IGSF21: variants seen among roughly 807,000 people sequenced by gnomAD.
IGSF21 encodes the protein immunoglobin superfamily member 21, also known as immunoglobulin superfamily member 21.
In IGSF21, 28 loss-of-function variants were observed where a neutral mutation model predicts 46.8. The observed-to-expected ratio is 0.60, with a 90% confidence interval of 0.44 to 0.82. IGSF21 has a LOEUF of 0.82. IGSF21 is among the 40% of genes least tolerant of loss of function. IGSF21 has a pLI of 0.00. For missense variants in IGSF21, 624 were observed against 665.5 expected, an observed-to-expected ratio of 0.94 and a Z score of 0.69; for synonymous variants, 284 against 273.6, an observed-to-expected ratio of 1.04 and a Z score of -0.38.
intron 1 of IGSF21, among the ~76,000 whole-genome samples, chr1:18,200,563 C>A (rs932534859): frequency 6.6e-6 from 1 of 152,274 alleles, no homozygotes; most frequent in African/African-American, 2.4e-5. Context: ...CATCACGTGG[C>A]CTGCTCCCTC....
intron 2 of IGSF21, among the ~76,000 whole-genome samples, chr1:18,247,048 C>CT (rs34980016): frequency 0.021 from 2,587 of 122,390 alleles, 48 homozygotes; most frequent in African/African-American, 0.036. Flanking sequence ...AGCTGGAATT[C>CT]TTTTTTTTTT....
At chr1:18,214,930 C>T (rs764006030) in intron 1 of IGSF21, among the ~76,000 whole-genome samples, 7 of 152,154 alleles carry the variant, frequency 4.6e-5, no homozygotes, top group East Asian at 1.9e-4. Context: ...TTAGTAGAGA[C>T]GGGGTTTCAC....
intron 6 of IGSF21, among the ~76,000 whole-genome samples, chr1:18,371,436 G>T (rs1324138533): frequency 6.6e-6 from 1 of 152,114 alleles, no homozygotes; most frequent in Non-Finnish European, 1.5e-5. Context: ...GCTGGGTATG[G>T]TAGCTCATGC....
intron 1 of IGSF21, among the ~76,000 whole-genome samples, chr1:18,137,632 A>G (rs2086378344): frequency 6.6e-6 from 1 of 152,120 alleles, no homozygotes; most frequent in South Asian, 2.1e-4. Flanking sequence ...GAGGAAAGCC[A>G]CTTTGGGGGG....
At chr1:18,224,423 C>T (rs1381843564) in intron 1 of IGSF21, among the ~76,000 whole-genome samples, 2 of 152,154 alleles carry the variant, frequency 1.3e-5, no homozygotes, top group East Asian at 3.9e-4. Flanking sequence ...TCCCAGGGCC[C>T]CTCTGGCTAA....
At chr1:18,346,676 A>C (rs2085896511) in intron 4 of IGSF21, among the ~76,000 whole-genome samples, 1 of 152,178 alleles carries the variant, frequency 6.6e-6, no homozygotes, top group Admixed American at 6.5e-5. Context: ...GCGATCGCAG[A>C]AAATGGGCCG....
Position 18,334,477 on chromosome 1 carries a change from G to A in IGSF21, c.306-415G>A, listed in dbSNP as rs2085745559. ...ATGGGAATATGGACCCTATGTGGAG[G>A]CCGTCATGAGGAAAGAGGGAGCCGA... On this transcript the variant is annotated intron_variant, in intron 3 of 9. Coordinates refer to ENST00000251296, the MANE Select transcript of IGSF21 (RefSeq NM_032880.5). This position sits in a 1 kb window ranked among gnomAD's most constrained non-coding sequence, Gnocchi z 4.3. Among the ~76,000 whole-genome samples, 1 of 152,178 alleles carries A rather than the reference G, an allele frequency of 6.6e-6. No individual in the cohort carries two copies. The highest frequency in any genetic ancestry group is 6.5e-5 in the Admixed American group (1 of 15,286).
intron 4 of IGSF21, among the ~76,000 whole-genome samples, chr1:18,349,903 AAC>A (rs1553165564): frequency 4.0e-5 from 6 of 151,826 alleles, no homozygotes; most frequent in East Asian, 1.9e-4. Flanking sequence ...TTAAAAAAAA[AAC>A]CACTAAATTA....
chr1:18,349,471 C>G (rs1343128435), intron 4 of IGSF21, among the ~76,000 whole-genome samples: 2 of 152,138 alleles, frequency 1.3e-5, no homozygotes, highest in African/African-American at 2.4e-5. Flanking sequence ...CTGGGCCTAG[C>G]AGGCTGGTGA....
chr1:18,250,932 A>G (rs936636605), intron 2 of IGSF21, among the ~76,000 whole-genome samples: 9 of 152,170 alleles, frequency 5.9e-5, no homozygotes, highest in African/African-American at 2.2e-4. Context: ...GTGATGTGAT[A>G]GAGAGTAACT....
At chr1:18,278,990 T>A (rs958813906) in intron 2 of IGSF21, 7 of 457,138 alleles carry the variant, frequency 1.5e-5, no homozygotes, top group African/African-American at 1.2e-4. Flanking sequence ...GCTATAGAAC[T>A]AAGCTAGGGC....
chr1:18,175,423 G>A (rs931025112), intron 1 of IGSF21, among the ~76,000 whole-genome samples: 26 of 152,182 alleles, frequency 1.7e-4, no homozygotes, highest in Admixed American at 7.2e-4. Flanking sequence ...GCAGACAGCC[G>A]GGAGGAAACG....
intron 1 of IGSF21, among the ~76,000 whole-genome samples, chr1:18,218,720 A>T (rs74056530): frequency 0.033 from 5,094 of 152,298 alleles, 264 homozygotes; most frequent in African/African-American, 0.12. Flanking sequence ...TGAAAATCTC[A>T]ACTCACATGG....
chr1:18,252,207 T>A (rs6699446), intron 2 of IGSF21, among the ~76,000 whole-genome samples: 2 of 151,544 alleles, frequency 1.3e-5, no homozygotes, highest in African/African-American at 4.9e-5. Flanking sequence ...CCTGCCACCA[T>A]GCCCGGCTAA....
chr1:18,342,260 A>T (rs2085850764), intron 4 of IGSF21, among the ~76,000 whole-genome samples: 1 of 151,666 alleles, frequency 6.6e-6, no homozygotes, highest in African/African-American at 2.4e-5. Flanking sequence ...TGCCTGGCTA[A>T]TTTTTCTAGT....
intron 2 of IGSF21, among the ~76,000 whole-genome samples, chr1:18,242,293 G>T (rs766232568): frequency 7.9e-5 from 12 of 152,130 alleles, no homozygotes; most frequent in Non-Finnish European, 1.5e-4. Context: ...CTCCCTGCAT[G>T]CCCCTCCCAA....
intron 2 of IGSF21, among the ~76,000 whole-genome samples, chr1:18,269,699 C>A (rs1213800991): frequency 6.6e-6 from 1 of 152,292 alleles, no homozygotes; most frequent in East Asian, 1.9e-4. Context: ...TACCCCCAGT[C>A]TGAAGCGCAT....
chr1:18,257,072 C>A (rs1251440517), intron 2 of IGSF21, among the ~76,000 whole-genome samples: 4 of 152,206 alleles, frequency 2.6e-5, no homozygotes, highest in Non-Finnish European at 5.9e-5. Context: ...TTTGCATAAT[C>A]CTTCCCTCTC....
At chr1:18,359,969 C>T (rs993136966) in intron 4 of IGSF21, among the ~76,000 whole-genome samples, 6 of 152,186 alleles carry the variant, frequency 3.9e-5, no homozygotes, top group African/African-American at 1.4e-4. Flanking sequence ...CTCATACTGG[C>T]ACCGTGAGTG....
Sources: allele counts gnomAD v4.1 joint callset (sites outside exome capture counted in the v4.1 genomes callset), GRCh38; gene constraint gnomAD v4.1.1; non-coding constraint Gnocchi (gnomAD v3.1); transcripts MANE v1.5; gene names NCBI Gene and HGNC (gene_info 2026-07-23, HGNC 2026-07-21).